Variants in PDE4D observed in about 807,000 individuals in gnomAD.
PDE4D encodes phosphodiesterase 4D.
PDE4D carries 24 observed loss-of-function variants against 87.4 expected under a neutral mutation model. That is an observed-to-expected ratio of 0.27 (90% CI 0.20 to 0.39). The LOEUF is 0.39. Ranked by LOEUF, PDE4D falls within the 10% of genes least tolerant of loss-of-function variation. The pLI, the probability that PDE4D is intolerant of heterozygous loss-of-function variation, is 1.00. For missense variants in PDE4D, 714 were observed against 1,041.0 expected (o/e 0.69, Z 4.32); for synonymous variants, 384 against 383.2 (o/e 1.00, Z -0.02).
chr5:59,323,754 G>A (rs1161847413), intron 1 of PDE4D, among the ~76,000 whole-genome samples: 1 of 151,834 alleles, frequency 6.6e-6, no homozygotes, highest in East Asian at 1.9e-4. Flanking sequence ...TTGAAGATTT[G>A]CAATCCAATT....
chr5:60,292,953 T>C (rs976877431), intron 1 of PDE4D, among the ~76,000 whole-genome samples: 1 of 152,186 alleles, frequency 6.6e-6, no homozygotes, highest in Admixed American at 6.5e-5. Context: ...TTTGATCATG[T>C]ATATTGGAGA....
chr5:59,439,832 G>A (rs1056642926), intron 1 of PDE4D, among the ~76,000 whole-genome samples: 1 of 152,122 alleles, frequency 6.6e-6, no homozygotes, highest in Non-Finnish European at 1.5e-5. Flanking sequence ...AGGGATAAAA[G>A]GGTAGAAAAC....
intron 2 of PDE4D, among the ~76,000 whole-genome samples, chr5:60,062,184 T>C (rs1018908513): frequency 4.6e-5 from 7 of 151,736 alleles, no homozygotes; most frequent in Admixed American, 3.3e-4. Flanking sequence ...CTACCATCCA[T>C]AATTTACAAG....
intron 1 of PDE4D, among the ~76,000 whole-genome samples, chr5:59,403,682 A>C (rs1258375982): frequency 2.0e-5 from 3 of 152,160 alleles, no homozygotes; most frequent in African/African-American, 4.8e-5. Context: ...GTGTATATGT[A>C]CCACATTTTC....
At chr5:59,277,940 G>A (rs541647868) in intron 1 of PDE4D, among the ~76,000 whole-genome samples, 6 of 152,136 alleles carry the variant, frequency 3.9e-5, no homozygotes, top group East Asian at 1.9e-4. Context: ...CTAAGAAATC[G>A]TCCCTCTCCC....
At chr5:59,221,150 T>C (rs1011642912) in intron 1 of PDE4D, among the ~76,000 whole-genome samples, 6 of 152,108 alleles carry the variant, frequency 3.9e-5, no homozygotes, top group Non-Finnish European at 8.8e-5. Flanking sequence ...AGCTCATAAG[T>C]GGGTTTTAAA....
intron 3 of PDE4D, among the ~76,000 whole-genome samples, chr5:59,951,177 G>T (rs1758260135): frequency 6.6e-6 from 1 of 151,996 alleles, no homozygotes; most frequent in South Asian, 2.1e-4. Flanking sequence ...AAGAACTAAG[G>T]AATATTTCTT....
chr5:60,393,805 A>G (rs1762709565), intron 1 of PDE4D, among the ~76,000 whole-genome samples: 1 of 152,210 alleles, frequency 6.6e-6, no homozygotes, highest in Non-Finnish European at 1.5e-5. Context: ...ATGAATGGCT[A>G]GTCCATTTTT....
intron 1 of PDE4D, among the ~76,000 whole-genome samples, chr5:59,457,513 A>G (rs1256399512): frequency 1.3e-5 from 2 of 152,292 alleles, no homozygotes; most frequent in South Asian, 2.1e-4. Flanking sequence ...CCAACCTACC[A>G]TATCTCTGAA....
In PDE4D at chr5:59,893,308, C is replaced by T. The variant is rs1581631164; in HGVS notation, c.315G>A (p.Arg105=). Reference sequence around the variant, plus strand: ...GCTCGGTGTCCGAGTAGCCGCGATGCCGGACGCGGCCGGTGGCCCCGCTCG... The same window carrying T: ...GCTCGGTGTCCGAGTAGCCGCGATGTCGGACGCGGCCGGTGGCCCCGCTCG... ...YASSGATGRV[R]HRGYSDTERY... The change falls in exon 1 of 15, where the codon CGG becomes CGA. Residue 105 remains arginine (R), a synonymous_variant. Transcript: ENST00000340635. 4 of 1,527,750 alleles carry T rather than the reference C, an allele frequency of 2.6e-6. No individual in the cohort carries two copies. Among genetic ancestry groups the T allele is most frequent in the South Asian group, 1.2e-5 (1 of 81,658 alleles). The allele number at this position is 1,527,750 out of a possible 1,614,324, so 94.6% of individuals were successfully genotyped here. A position where few individuals can be genotyped will look rare whatever the true frequency, so the allele number is the denominator to read the frequency against.
chr5:59,074,373 G>A (rs906040053), intron 5 of PDE4D, among the ~76,000 whole-genome samples: 3 of 151,970 alleles, frequency 2.0e-5, no homozygotes, highest in Admixed American at 6.6e-5. Flanking sequence ...ATAAAATGGA[G>A]GAAAAAGTGA....
chr5:60,212,240 C>G (rs564639032), intron 1 of PDE4D, among the ~76,000 whole-genome samples: 59 of 151,984 alleles, frequency 3.9e-4, no homozygotes, highest in Non-Finnish European at 7.6e-4. Flanking sequence ...GGTAAATTTG[C>G]CTGCTTAGCA....
At chr5:59,477,963 C>G (rs1290594146) in intron 1 of PDE4D, among the ~76,000 whole-genome samples, 2 of 152,014 alleles carry the variant, frequency 1.3e-5, no homozygotes, top group Admixed American at 6.6e-5. Flanking sequence ...ATACCACACG[C>G]TCTCACTTGT....
intron 2 of PDE4D, among the ~76,000 whole-genome samples, chr5:60,160,444 G>A (rs994441447): frequency 2.6e-5 from 4 of 151,924 alleles, no homozygotes; most frequent in African/African-American, 9.7e-5. Context: ...ATCAAATATA[G>A]AGCTCTGTGG....
At chr5:60,367,779 A>G (rs556452997) in intron 1 of PDE4D, among the ~76,000 whole-genome samples, 1 of 152,246 alleles carries the variant, frequency 6.6e-6, no homozygotes, top group East Asian at 1.9e-4. Flanking sequence ...ATTTTTTCTG[A>G]GCCCATCAGA....
At chr5:59,434,458 C>T (rs558340426) in intron 1 of PDE4D, among the ~76,000 whole-genome samples, 126 of 152,082 alleles carry the variant, frequency 8.3e-4, no homozygotes, top group African/African-American at 2.9e-3. Flanking sequence ...TGGAGACCCA[C>T]AAAAATTGGG....
intron 1 of PDE4D, chr5:59,768,553 G>A (rs778029886): frequency 6.3e-7 from 1 of 1,591,356 alleles, no homozygotes; most frequent in African/African-American, 1.3e-5. Flanking sequence ...CCAGGGCAAC[G>A]TGGTTCCCTC....
chr5:59,210,859 T>TA (rs1420916331), intron 2 of PDE4D, among the ~76,000 whole-genome samples: 3 of 151,174 alleles, frequency 2.0e-5, no homozygotes, highest in Non-Finnish European at 4.4e-5. Flanking sequence ...ACAGGTAACT[T>TA]ATACTTAATA....
In PDE4D at chr5:58,989,987, A is replaced by AG; in HGVS notation, c.1288-69_1288-68insC. ...AAAAATTTCTCCATAGAGTATGTTT[A>AG]AAAAAAAAAATCACACACCAGTGTT... is the stretch of plus-strand genomic sequence containing the variant. On this transcript the variant is annotated intron_variant, in intron 9 of 14. Coordinates refer to ENST00000340635, the MANE Select transcript of PDE4D (RefSeq NM_001104631.2). 9 of 692,216 alleles carry AG rather than the reference A, an allele frequency of 1.3e-5. No individual in the cohort carries two copies. In the South Asian group the frequency reaches 1.9e-4, roughly 15 times the overall value. 42.9% of individuals were successfully genotyped at this position (692,216 alleles called of 1,614,324 possible).
Sources: gnomAD v4.1 joint callset for allele counts (sites outside exome capture counted in the v4.1 genomes callset) on GRCh38, gnomAD v4.1.1 for gene constraint, MANE v1.5 for transcripts, NCBI Gene and HGNC (gene_info 2026-07-23, HGNC 2026-07-21) for gene names.